Variants in THOC1 observed in about 807,000 individuals in gnomAD.
THOC1 encodes the protein THO complex subunit 1.
In THOC1, 29 loss-of-function variants were observed where a neutral mutation model predicts 97.3. The ratio of observed to expected loss-of-function variants is 0.30; its 90% CI spans 0.22 to 0.41. The LOEUF (loss-of-function observed/expected upper bound fraction) is 0.41. Ranked by LOEUF, THOC1 falls within the 10% of genes least tolerant of loss-of-function variation. The pLI, the probability that THOC1 is intolerant of heterozygous loss-of-function variation, is 1.00. For synonymous variants in THOC1, 255 were observed against 257.0 expected, an observed-to-expected ratio of 0.99 and a Z score of 0.07; for missense variants, 529 against 761.9, an observed-to-expected ratio of 0.69 and a Z score of 3.60.
At chr18:248,638 T>C (rs1180671389) in intron 9 of THOC1, among the ~76,000 whole-genome samples, 4 of 152,224 alleles carry the variant, frequency 2.6e-5, no homozygotes, top group African/African-American at 9.6e-5. Flanking sequence ...ATGGTACATA[T>C]CAAGTTAGCA....
At chr18:245,990 C>T (rs972041128) in intron 11 of THOC1, 3 of 165,092 alleles carry the variant, frequency 1.8e-5, no homozygotes, top group East Asian at 1.8e-4. Context: ...CCCTTACTTG[C>T]ACCTAAATAA....
intron 17 of THOC1, among the ~76,000 whole-genome samples, chr18:220,551 T>A (rs927546202): frequency 7.2e-5 from 11 of 152,220 alleles, no homozygotes; most frequent in African/African-American, 2.7e-4. Flanking sequence ...ATTATTTTTA[T>A]CCATAATTCT....
intron 9 of THOC1, among the ~76,000 whole-genome samples, chr18:252,156 G>C: frequency 1.3e-5 from 2 of 152,282 alleles, no homozygotes; most frequent in Admixed American, 1.3e-4. Context: ...TTAAGAGCAA[G>C]GGGAGAGAAG....
intron 4 of THOC1, among the ~76,000 whole-genome samples, chr18:263,198 G>A (rs572707930): frequency 3.6e-4 from 54 of 152,024 alleles, no homozygotes; most frequent in African/African-American, 9.2e-4. Context: ...CTCCTGCCTC[G>A]GCCTCCTGAG....
At position 254,769 on chromosome 18, in the gene THOC1, T is replaced by C. The variant is rs1251572483; in HGVS notation, c.521-414A>G. ...ACATTGTCATTGTTTTGCCACAGAT[T>C]TGTTTTTGCCACAAACTGTGCCCAT... is the stretch of plus-strand genomic sequence containing the variant. On this transcript the variant is annotated intron_variant, in intron 7 of 20. Coordinates refer to ENST00000261600, the MANE Select transcript of THOC1 (RefSeq NM_005131.3). This position sits in a 1 kb window ranked among gnomAD's most constrained non-coding sequence, Gnocchi z 4.1. Among the ~76,000 whole-genome samples, 3 of 152,180 alleles carry C rather than the reference T, an allele frequency of 2.0e-5. No homozygotes were observed. Among genetic ancestry groups the C allele is most frequent in the Non-Finnish European group, 2.9e-5 (2 of 68,018 alleles).
Position 246,243 on chromosome 18 carries a change from T to A in THOC1, c.918+81A>T, listed in dbSNP as rs540680454. On this transcript the variant is annotated intron_variant, in intron 11 of 20. Transcript: ENST00000261600. ...AAATAAGAAACATTTCTATTCAGTT[T>A]AACTTAGAAAGGCTGTCAGCTAAAC... is the stretch of plus-strand genomic sequence containing the variant. 7.5e-5 allele frequency: 83 copies of A among 1,106,588 alleles called. No individual in the cohort carries two copies. The South Asian group carries it at 1.1e-3, about 15-fold the overall frequency. The allele number at this position is 1,106,588 out of a possible 1,614,324, so 68.5% of individuals were successfully genotyped here.
intron 1 of THOC1, 84 bp downstream of exon 1, chr18:267,882 C>A: frequency 1.4e-6 from 2 of 1,426,594 alleles, no homozygotes; most frequent in African/African-American, 1.4e-5. Context: ...CACTTTACCC[C>A]AGGGCAAAAT....
At chr18:218,293 C>CT (rs1338549985) in intron 18 of THOC1, among the ~76,000 whole-genome samples, 2 of 152,124 alleles carry the variant, frequency 1.3e-5, no homozygotes, top group African/African-American at 4.8e-5. Context: ...GGAATCGAAC[C>CT]TATGCATTCT....
intron 17 of THOC1, among the ~76,000 whole-genome samples, chr18:222,733 T>C (rs985156559): frequency 1.3e-5 from 2 of 152,160 alleles, no homozygotes; most frequent in Admixed American, 6.5e-5. Flanking sequence ...TGATTTTTGT[T>C]GTTCTTGAAG....
intron 4 of THOC1, 40 bp from the exon 5 acceptor site, chr18:260,344 C>T (rs1197537295): frequency 7.8e-7 from 1 of 1,287,320 alleles, no homozygotes; most frequent in Non-Finnish European, 1.1e-6. Context: ...GTTTAAAAAA[C>T]TGTAGAGTAG....
intron 11 of THOC1, among the ~76,000 whole-genome samples, chr18:241,999 T>C (rs777028040): frequency 2.6e-5 from 4 of 151,650 alleles, no homozygotes; most frequent in Non-Finnish European, 4.4e-5. Context: ...AAGGGAACTA[T>C]ACTGTTGGGC....
chr18:232,048 G>C (rs2143195711), intron 11 of THOC1, among the ~76,000 whole-genome samples: 1 of 152,292 alleles, frequency 6.6e-6, no homozygotes, highest in African/African-American at 2.4e-5. Flanking sequence ...AGCAGTCAGA[G>C]ACAATCTAAA....
chr18:235,216 AT>A (rs1438105193), intron 11 of THOC1, among the ~76,000 whole-genome samples: 1 of 151,692 alleles, frequency 6.6e-6, no homozygotes, highest in Non-Finnish European at 1.5e-5. Flanking sequence ...CTCTATGTCA[AT>A]TTTTACTGTT....
chr18:267,940 C>G, intron 1 of THOC1, 26 bp downstream of exon 1: 1 of 1,606,630 alleles, frequency 6.2e-7, no homozygotes, highest in East Asian at 2.2e-5. Flanking sequence ...CCGGGTCAGG[C>G]CTGCACCCTC....
At chr18:248,993 G>A (rs1436551346) in intron 9 of THOC1, among the ~76,000 whole-genome samples, 1 of 151,984 alleles carries the variant, frequency 6.6e-6, no homozygotes, top group Non-Finnish European at 1.5e-5. Context: ...TTCATGATCT[G>A]CCCACCTCAG....
In THOC1 at chr18:254,927, C is replaced by CA. The variant is rs1912390577; in HGVS notation, c.521-573dup. 6.6e-6 allele frequency among the ~76,000 whole-genome samples: 1 copy of CA among 152,084 alleles called. No homozygotes were observed. Among genetic ancestry groups the CA allele is most frequent in the African/African-American group, 2.4e-5 (1 of 41,402 alleles). ...GCTTCCCAAGCTCAGATGATCCTCC[C>CA]ACCTCAGCCTCCTGAGTAGCTGGGA... On this transcript the variant is annotated intron_variant, in intron 7 of 20. Coordinates refer to ENST00000261600, the MANE Select transcript of THOC1 (RefSeq NM_005131.3). The surrounding 1 kb of genome is among the most constrained non-coding windows in gnomAD (Gnocchi z 4.1).
At chr18:265,006 A>G in intron 3 of THOC1, 1 of 318,886 alleles carries the variant, frequency 3.1e-6, no homozygotes, top group Non-Finnish European at 5.7e-6. Context: ...ATCACTGCTT[A>G]TACAGGAAAG....
At chr18:216,821 A>C (rs776288910) in intron 18 of THOC1, among the ~76,000 whole-genome samples, 188 bp from the exon 19 acceptor site, 5 of 152,252 alleles carry the variant, frequency 3.3e-5, no homozygotes, top group Non-Finnish European at 5.9e-5. Flanking sequence ...CAATAGATGC[A>C]CATGTAACTA....
chr18:266,580 C>T (rs537376442), intron 1 of THOC1, among the ~76,000 whole-genome samples: 5 of 147,474 alleles, frequency 3.4e-5, no homozygotes, highest in Admixed American at 1.4e-4. Context: ...CCTCTGTTGC[C>T]CAGGTGTTGT....
Sources: gnomAD v4.1 joint callset for allele counts (sites outside exome capture counted in the v4.1 genomes callset) on GRCh38, gnomAD v4.1.1 for gene constraint, Gnocchi (gnomAD v3.1) non-coding constraint, MANE v1.5 for transcripts, NCBI Gene and HGNC (gene_info 2026-07-23, HGNC 2026-07-21) for gene names.